The following CNTNAP3B variants were observed in gnomAD, a reference collection of about 807,000 sequenced individuals.
CNTNAP3B encodes contactin-associated protein-like 3B.
Under a neutral mutation model 108.9 loss-of-function variants are expected in CNTNAP3B, and 25 were observed. The observed-to-expected ratio is 0.23, with a 90% CI of 0.17 to 0.32. The LOEUF (loss-of-function observed/expected upper bound fraction) is 0.32. Ranked by LOEUF, CNTNAP3B falls within the 10% of genes least tolerant of loss-of-function variation. CNTNAP3B has a pLI of 1.00. For missense variants in CNTNAP3B, 252 were observed against 1,210.4 expected, an observed-to-expected ratio of 0.21 and a Z score of 11.75; for synonymous variants, 103 against 473.4, an observed-to-expected ratio of 0.22 and a Z score of 10.16.
chr9:42,015,394 A>G (rs1179602464), intron 3 of CNTNAP3B, among the ~76,000 whole-genome samples: 1 of 26,564 alleles, frequency 3.8e-5, no homozygotes, highest in Non-Finnish European at 7.0e-5. Context: ...TTTTGAGTTA[A>G]CAATCGCTAT....
chr9:42,029,558 T>C (rs1393495951), intron 3 of CNTNAP3B, among the ~76,000 whole-genome samples: 1 of 118,168 alleles, frequency 8.5e-6, no homozygotes, highest in African/African-American at 3.6e-5. Flanking sequence ...TCAGATGGAG[T>C]CTTGCTCTGT....
intron 12 of CNTNAP3B, among the ~76,000 whole-genome samples, chr9:41,954,944 C>G (rs1247723304): frequency 2.0e-5 from 3 of 151,980 alleles, no homozygotes; most frequent in Non-Finnish European, 2.9e-5. Flanking sequence ...CCTTGGCCTC[C>G]CAAAGTGCTG....
chr9:41,940,676 G>A (rs1422455927), intron 13 of CNTNAP3B, among the ~76,000 whole-genome samples: 3 of 152,120 alleles, frequency 2.0e-5, no homozygotes, highest in Non-Finnish European at 2.9e-5. Context: ...ATAGACGAGC[G>A]TAGCGGCGGG....
chr9:42,033,250 G>C (rs1435005665), intron 3 of CNTNAP3B, among the ~76,000 whole-genome samples: 5 of 148,324 alleles, frequency 3.4e-5, no homozygotes, highest in African/African-American at 1.3e-4. Flanking sequence ...TACCCAATTT[G>C]ACTTACTGAA....
intron 3 of CNTNAP3B, among the ~76,000 whole-genome samples, chr9:42,051,697 T>C (rs1826962160): frequency 7.2e-6 from 1 of 139,470 alleles, no homozygotes; most frequent in Non-Finnish European, 1.6e-5. Context: ...AATTGACTGT[T>C]AATGTAAATT....
At chr9:42,076,467 G>A (rs1232869693) in intron 3 of CNTNAP3B, among the ~76,000 whole-genome samples, 1 of 122,630 alleles carries the variant, frequency 8.2e-6, no homozygotes, top group Non-Finnish European at 1.7e-5. Flanking sequence ...AAATCTGGCT[G>A]CTTAATAAAG....
At chr9:41,938,956 T>A (rs1319997714) in intron 13 of CNTNAP3B, among the ~76,000 whole-genome samples, 7 of 152,184 alleles carry the variant, frequency 4.6e-5, no homozygotes, top group Admixed American at 2.6e-4. Flanking sequence ...ATGACATTGA[T>A]AGGCTTTTCT....
intron 4 of CNTNAP3B, among the ~76,000 whole-genome samples, chr9:42,002,772 A>T (rs1376408008): frequency 7.5e-6 from 1 of 133,252 alleles, no homozygotes; most frequent in Non-Finnish European, 1.6e-5. Flanking sequence ...AAGAAAGGAT[A>T]AGGAAGGAGT....
intron 13 of CNTNAP3B, among the ~76,000 whole-genome samples, chr9:41,941,941 G>T (rs1025949870): frequency 3.9e-5 from 6 of 152,196 alleles, no homozygotes; most frequent in African/African-American, 1.4e-4. Context: ...GCAGGGGGAG[G>T]GAAGGAGAAA....
chr9:42,129,328 A>T lies in CNTNAP3B; in HGVS notation c.-234T>A. 2 of 347,476 alleles carry T rather than the reference A, an allele frequency of 5.8e-6. 1 individual carries two copies. Among genetic ancestry groups the T allele is most frequent in the Admixed American group, 2.0e-4 (2 of 10,056 alleles). The allele number at this position is 347,476 out of a possible 1,614,324, so 21.5% of individuals were successfully genotyped here. ...GCGTCTCCGAGGTCGGCCCCGCGGG[A>T]GCCTGGGGGCCGCGCGGCGCCGCCC... is the stretch of plus-strand genomic sequence containing the variant. On this transcript the variant is annotated 5_prime_UTR_variant, in exon 1 of 24. Transcript: ENST00000377561.
At position 42,014,808 on chromosome 9, in the gene CNTNAP3B, A is replaced by G. The variant is rs963704722; in HGVS notation, c.391-1283T>C. Among the ~76,000 whole-genome samples the G allele has an allele frequency of 4.4e-3, 337 of 76,906 alleles. 53 individuals carry two copies. The highest frequency in any genetic ancestry group is 0.019 in the African/African-American group (322 of 16,930). 50.5% of individuals were successfully genotyped at this position (76,906 alleles called of 152,430 possible). The stretch of plus-strand genomic sequence containing the variant: ...TCCGTCACAAAAAAAAAAAAAAAAA[A>G]AGAATGTACCAGGCTTAACAACAAA... On this transcript the variant is annotated intron_variant, in intron 3 of 23. Coordinates refer to ENST00000377561, the MANE Select transcript of CNTNAP3B (RefSeq NM_001201380.3).
intron 12 of CNTNAP3B, among the ~76,000 whole-genome samples, chr9:41,956,371 G>A (rs1824859525): frequency 1.3e-5 from 2 of 152,132 alleles, no homozygotes; most frequent in Non-Finnish European, 2.9e-5. Context: ...GGGTGACAGA[G>A]CAAGCCTCTG....
At chr9:41,962,695 C>T (rs889788744) in intron 11 of CNTNAP3B, among the ~76,000 whole-genome samples, 30 of 146,274 alleles carry the variant, frequency 2.1e-4, no homozygotes, top group African/African-American at 7.8e-4. Context: ...GTGGCTCATG[C>T]CTGTAATCCC....
chr9:41,931,744 AT>A (rs1242244014), intron 14 of CNTNAP3B, among the ~76,000 whole-genome samples: 1 of 149,226 alleles, frequency 6.7e-6, no homozygotes, highest in East Asian at 1.9e-4. Context: ...GGTCTAGGAA[AT>A]TTTTTATTAA....
At chr9:41,931,677 C>T (rs1403396767) in intron 14 of CNTNAP3B, among the ~76,000 whole-genome samples, 1 of 150,490 alleles carries the variant, frequency 6.6e-6, no homozygotes, top group Non-Finnish European at 1.5e-5. Context: ...CACCATTCAG[C>T]TTTAGAGTGG....
In CNTNAP3B at chr9:42,028,685, G is replaced by T. The variant is rs754708096; in HGVS notation, c.391-15160C>A. Among the ~76,000 whole-genome samples, 2 of 149,850 alleles carry T rather than the reference G, an allele frequency of 1.3e-5. 1 individual carries two copies. The highest frequency in any genetic ancestry group is 5.0e-5 in the African/African-American group (2 of 39,904). ...CATTCAAAATTTTCTCATCAAATTA[G>T]AATTTTTAAATATATTTTAGACTAC... On this transcript the variant is annotated intron_variant, in intron 3 of 23. Coordinates refer to ENST00000377561, the MANE Select transcript of CNTNAP3B (RefSeq NM_001201380.3).
chr9:42,029,576 G>A (rs1826475529), intron 3 of CNTNAP3B, among the ~76,000 whole-genome samples: 1 of 120,974 alleles, frequency 8.3e-6, no homozygotes, highest in Non-Finnish European at 1.7e-5. Flanking sequence ...TGTCGCCCAG[G>A]CTGGAGTGCA....
At chr9:42,071,327 G>C (rs1336353826) in intron 3 of CNTNAP3B, among the ~76,000 whole-genome samples, 2 of 144,648 alleles carry the variant, frequency 1.4e-5, no homozygotes, top group Non-Finnish European at 3.0e-5. Flanking sequence ...GAAATGAATT[G>C]AGGAAGCTAT....
chr9:41,939,832 A>C (rs1226936129), intron 13 of CNTNAP3B, among the ~76,000 whole-genome samples: 1 of 152,204 alleles, frequency 6.6e-6, no homozygotes, highest in Non-Finnish European at 1.5e-5. Flanking sequence ...CTGATAAAAG[A>C]TCTTGTAGAC....
Sources: gnomAD v4.1 joint callset for allele counts (sites outside exome capture counted in the v4.1 genomes callset) on GRCh38, gnomAD v4.1.1 for gene constraint, MANE v1.5 for transcripts, NCBI Gene and HGNC (gene_info 2026-07-23, HGNC 2026-07-21) for gene names.